Variants in CLCF1 observed in about 807,000 individuals in gnomAD.
CLCF1 encodes cardiotrophin like cytokine factor 1, also known as cardiotrophin-like cytokine factor 1.
A neutral mutation model predicts 21.2 loss-of-function variants in CLCF1; 10 were observed. That is an observed-to-expected ratio of 0.47 (90% CI 0.29 to 0.80). The LOEUF (loss-of-function observed/expected upper bound fraction) is 0.80, where lower values mean the gene tolerates loss of function less well. Ranked by LOEUF, CLCF1 falls within the 30% of genes least tolerant of loss-of-function variation. The probability of loss-of-function intolerance (pLI) is 0.09; values close to 1 mark genes in which losing one functional copy is unlikely to be tolerated. For synonymous variants in CLCF1, 115 were observed against 120.5 expected (o/e 0.95, Z 0.30); for missense variants, 240 against 293.4 (o/e 0.82, Z 1.33).
intron 1 of CLCF1, chr11:67,368,653 A>C: frequency 1.0e-6 from 1 of 985,392 alleles, no homozygotes; most frequent in Non-Finnish European, 1.2e-6. Context: ...GTTAGGTTTA[A>C]GGACTGGGTT....
At position 67,370,506 on chromosome 11, in the gene CLCF1, G is replaced by GAGCTA. The variant is rs540463196; in HGVS notation, c.17-2885_17-2881dup. Reference sequence around the variant, plus strand: ...TTATAAATCCGGCTGAGCACGTGAGGAGCTAACGAGTACAGCTCACGTTTC... The same window carrying GAGCTA: ...TTATAAATCCGGCTGAGCACGTGAGGAGCTAAGCTAACGAGTACAGCTCACGTTTC... On this transcript the variant is annotated intron_variant, in intron 1 of 2. Transcript: ENST00000312438. 1.9e-3 allele frequency: 1,822 copies of GAGCTA among 981,188 alleles called. 28 individuals are homozygous for GAGCTA. In the African/African-American group the frequency reaches 0.031, roughly 17 times the overall value. 60.8% of individuals were successfully genotyped at this position (981,188 alleles called of 1,614,324 possible).
chr11:67,367,446 C>T lies in CLCF1; in HGVS notation c.183+14G>A, dbSNP rs761391507. 9.0e-5 allele frequency: 146 copies of T among 1,614,082 alleles called. 2 individuals are homozygous for T. In the Admixed American group the frequency reaches 1.9e-3, roughly 21 times the overall value. On this transcript the variant is annotated intron_variant, in intron 2 of 2. Coordinates refer to ENST00000312438, the MANE Select transcript of CLCF1 (RefSeq NM_013246.3). ...CTCCTCCCCAACTCCCAGATTCCTA[C>T]GCTGGATACTCACATAGGTCCCAGC...
At chr11:67,367,652 T>C (rs775534310) in intron 1 of CLCF1, 26 bp from the exon 2 acceptor site, 1 of 1,606,968 alleles carries the variant, frequency 6.2e-7, no homozygotes, top group East Asian at 2.2e-5. Flanking sequence ...ACGAGAAGCA[T>C]GAGCGCGGCC....
At chr11:67,370,067 A>G in intron 1 of CLCF1, 1 of 985,342 alleles carries the variant, frequency 1.0e-6, no homozygotes, top group Non-Finnish European at 1.2e-6. Flanking sequence ...AACCAGAAAG[A>G]GGGAAGGGTT....
chr11:67,369,676 G>A (rs1862188367), intron 1 of CLCF1: 1 of 985,380 alleles, frequency 1.0e-6, no homozygotes. Flanking sequence ...TTCACTCAAA[G>A]TTAGTGGCGA....
intron 1 of CLCF1, chr11:67,370,605 C>T (rs1299479989): frequency 1.0e-6 from 1 of 964,726 alleles, no homozygotes; most frequent in Admixed American, 6.8e-5. Context: ...CAAGGCTCTC[C>T]TCATGAACAC....
chr11:67,368,772 T>C (rs2030106778), intron 1 of CLCF1: 1 of 985,070 alleles, frequency 1.0e-6, no homozygotes, highest in African/African-American at 1.7e-5. Context: ...GAGGGTGAGT[T>C]GGAGGGCTGT....
chr11:67,369,220 C>T, intron 1 of CLCF1: 1 of 985,358 alleles, frequency 1.0e-6, no homozygotes, highest in Non-Finnish European at 1.2e-6. Flanking sequence ...GGCAGTGGCC[C>T]ACCTGGTCAG....
In CLCF1 at chr11:67,364,993, G is replaced by A. The variant is rs1862065933; in HGVS notation, c.*143C>T. Reference sequence around the variant, plus strand: ...AGGTGGGGAGGAGACAGGGCTGATCGCATCACACGCCCAGCCGGTCCAGGA... The same window carrying A: ...AGGTGGGGAGGAGACAGGGCTGATCACATCACACGCCCAGCCGGTCCAGGA... On this transcript the variant is annotated 3_prime_UTR_variant, in exon 3 of 3. Coordinates refer to ENST00000312438, the MANE Select transcript of CLCF1 (RefSeq NM_013246.3). 8 of 1,383,970 alleles carry A rather than the reference G, an allele frequency of 5.8e-6. 1 individual carries two copies. The Admixed American group carries it at 7.9e-5, about 14-fold the overall frequency. The allele number at this position is 1,383,970 out of a possible 1,614,324, so 85.7% of individuals were successfully genotyped here.
At chr11:67,369,804 G>A in intron 1 of CLCF1, 1 of 985,454 alleles carries the variant, frequency 1.0e-6, no homozygotes, top group Non-Finnish European at 1.2e-6. Context: ...CAGGAACCCA[G>A]CTCAGAACTT....
At chr11:67,368,655 G>A in intron 1 of CLCF1, 4 of 985,408 alleles carry the variant, frequency 4.1e-6, no homozygotes, top group Non-Finnish European at 4.8e-6. Context: ...TAGGTTTAAG[G>A]ACTGGGTTAC....
chr11:67,365,550 A>G lies in CLCF1; in HGVS notation c.264T>C (p.Thr88=). ...GGCTTCGCCACACCTCCAAGTCAACAGTGGCCCTGGGCAGAGTCTCTGCCC... is the reference window on the plus strand; with the variant it reads ...GGCTTCGCCACACCTCCAAGTCAACGGTGGCCCTGGGCAGAGTCTCTGCCC... The part of the protein sequence containing the change: ...RLGAETLPRA[T]VDLEVWRSLN... The change falls in exon 3 of 3, where the codon ACT becomes ACC. Residue 88 remains threonine, a synonymous_variant. Transcript: ENST00000312438. This position sits in a 1 kb window ranked among gnomAD's most constrained non-coding sequence, Gnocchi z 5.0. 1.2e-6 allele frequency: 2 copies of G among 1,613,982 alleles called. No individual in the cohort carries two copies. Among genetic ancestry groups the G allele is most frequent in the Non-Finnish European group, 1.7e-6 (2 of 1,179,850 alleles).
upstream of CLCF1, chr11:67,373,689 T>C (rs1168063876): frequency 8.8e-6 from 11 of 1,251,160 alleles, no homozygotes; most frequent in Non-Finnish European, 1.1e-5. Flanking sequence ...TTTTTTTTTT[T>C]TTCGGTGTGG....
chr11:67,371,633 GAGCCAGGGGGGAGCCCAGC>G (rs1449396664), intron 1 of CLCF1, among the ~76,000 whole-genome samples: 1 of 152,190 alleles, frequency 6.6e-6, no homozygotes, highest in Non-Finnish European at 1.5e-5. Flanking sequence ...GGCCAGCGGG[GAGCCAGGGGGGAGCCCAGC>G]AGCCCACTGA....
At chr11:67,368,770 G>A (rs1862168600) in intron 1 of CLCF1, 1 of 985,216 alleles carries the variant, frequency 1.0e-6, no homozygotes, top group African/African-American at 1.7e-5. Flanking sequence ...CAGAGGGTGA[G>A]TTGGAGGGCT....
rs1333662240 is a variant in CLCF1, at chr11:67,365,882, C to T, written c.184-252G>A. 3.3e-5 allele frequency among the ~76,000 whole-genome samples: 5 copies of T among 152,074 alleles called. No individual in the cohort carries two copies. Among genetic ancestry groups the T allele is most frequent in the Admixed American group, 1.3e-4 (2 of 15,274 alleles). ...GCGTAGAAAAAGGAGGAGGAGGAGA[C>T]GCACAAGACGCTCAGGAAGGACGTG... On this transcript the variant is annotated intron_variant, in intron 2 of 2. Transcript: ENST00000312438. This position sits in a 1 kb window ranked among gnomAD's most constrained non-coding sequence, Gnocchi z 5.0.
chr11:67,373,453 G>C (rs1862280959), intron 1 of CLCF1, 71 bp downstream of exon 1: 1 of 880,026 alleles, frequency 1.1e-6, no homozygotes, highest in Non-Finnish European at 1.7e-6. Flanking sequence ...GGGGGTCAGG[G>C]CAGGACGGGA....
In CLCF1 at chr11:67,365,305, G is replaced by A. The variant is rs754604226; in HGVS notation, c.509C>T (p.Thr170Ile). The A allele has an allele frequency of 1.9e-6, 3 of 1,613,882 alleles. No individual in the cohort carries two copies. The highest frequency in any genetic ancestry group is 2.2e-5 in the South Asian group (2 of 91,086). Residue 170 changes from threonine (T) to isoleucine (I), a missense_variant, in exon 3 of 3, where the codon ACT becomes ATT. Coordinates refer to ENST00000312438, the MANE Select transcript of CLCF1 (RefSeq NM_013246.3). The surrounding 1 kb of genome is among the most constrained non-coding windows in gnomAD (Gnocchi z 5.0). ...QPLPGTEPTW[T>I]PGPAHSDFLQ... ...GAAGTCACTGTGGGCAGGGCCAGGA[G>A]TCCAAGTGGGTTCAGTCCCAGGCAG... is the stretch of plus-strand genomic sequence containing the variant.
At position 67,372,968 on chromosome 11, in the gene CLCF1, C is replaced by T. The variant is rs1430787116; in HGVS notation, c.16+556G>A. Among the ~76,000 whole-genome samples, 2 of 150,032 alleles carry T rather than the reference C, an allele frequency of 1.3e-5. No homozygotes were observed. The highest frequency in any genetic ancestry group is 2.4e-5 in the African/African-American group (1 of 41,004). ...GCGGCGCGGCTCGGCCCGTCCGGCC[C>T]GGCCCAGCCAGGCTCGGCGCTGCCC... On this transcript the variant is annotated intron_variant, in intron 1 of 2. Coordinates refer to ENST00000312438, the MANE Select transcript of CLCF1 (RefSeq NM_013246.3). This position sits in a 1 kb window ranked among gnomAD's most constrained non-coding sequence, Gnocchi z 5.9.
Sources: gnomAD v4.1 joint callset for allele counts (sites outside exome capture counted in the v4.1 genomes callset) on GRCh38, gnomAD v4.1.1 for gene constraint, Gnocchi (gnomAD v3.1) non-coding constraint, MANE v1.5 for transcripts, NCBI Gene and HGNC (gene_info 2026-07-23, HGNC 2026-07-21) for gene names.